The following PIK3C2G variants were observed in gnomAD, a reference collection of about 807,000 sequenced individuals.
The protein encoded by PIK3C2G is phosphatidylinositol-4-phosphate 3-kinase catalytic subunit type 2 gamma.
PIK3C2G carries 168 observed loss-of-function variants against 181.1 expected under a neutral mutation model. That is an observed-to-expected ratio of 0.93 (90% confidence interval 0.82 to 1.05). PIK3C2G has a LOEUF of 1.05. Among genes scored for constraint, PIK3C2G ranks in the 50% least tolerant of loss-of-function variants. The probability of loss-of-function intolerance (pLI) is 0.00; values close to 1 mark genes in which losing one functional copy is unlikely to be tolerated. For missense variants in PIK3C2G, 1,869 were observed against 1,732.8 expected, an observed-to-expected ratio of 1.08 and a Z score of -1.40; for synonymous variants, 573 against 592.2, an observed-to-expected ratio of 0.97 and a Z score of 0.47.
At chr12:18,715,896 T>G in the PIK3C2G span, 1 of 152,318 alleles carries the variant, frequency 6.6e-6, no homozygotes, top group Non-Finnish European at 1.5e-5. Flanking sequence ...TTCAGAGTTT[T>G]CTTAACTAAT....
intron 11 of PIK3C2G, among the ~76,000 whole-genome samples, chr12:18,349,281 G>T (rs1365994156): frequency 6.6e-6 from 1 of 152,098 alleles, no homozygotes; most frequent in Non-Finnish European, 1.5e-5. Context: ...CAGGCCAGAG[G>T]TATCTCCAGA....
At chr12:18,313,838 A>C (rs959208814) in intron 5 of PIK3C2G, 124 bp from the exon 6 acceptor site, 1 of 619,648 alleles carries the variant, frequency 1.6e-6, no homozygotes, top group African/African-American at 1.8e-5. Context: ...ACGCACACAC[A>C]CGCACACACT....
the PIK3C2G span, among the ~76,000 whole-genome samples, chr12:18,707,051 C>A: frequency 2.6e-5 from 4 of 152,194 alleles, no homozygotes; most frequent in Non-Finnish European, 5.9e-5. Flanking sequence ...ACTGCCTCCT[C>A]CTCTGGTGTA....
intron 9 of PIK3C2G, among the ~76,000 whole-genome samples, chr12:18,343,119 G>A (rs1939294574): frequency 6.6e-6 from 1 of 151,898 alleles, no homozygotes; most frequent in Non-Finnish European, 1.5e-5. Flanking sequence ...AACCTACATT[G>A]CTTATTACAA....
intron 31 of PIK3C2G, among the ~76,000 whole-genome samples, chr12:18,621,098 T>C (rs1278957487): frequency 6.6e-6 from 1 of 151,978 alleles, no homozygotes; most frequent in Non-Finnish European, 1.5e-5. Flanking sequence ...CCACTAACAA[T>C]GGATAGTTCA....
intron 26 of PIK3C2G, among the ~76,000 whole-genome samples, chr12:18,557,675 C>T (rs1440738300): frequency 6.6e-6 from 1 of 152,030 alleles, no homozygotes; most frequent in Non-Finnish European, 1.5e-5. Context: ...CCATTATTTG[C>T]AGGTTACATG....
intron 16 of PIK3C2G, among the ~76,000 whole-genome samples, chr12:18,407,013 G>T (rs150598174): frequency 6.6e-5 from 10 of 152,076 alleles, no homozygotes; most frequent in Non-Finnish European, 1.5e-4. Context: ...TTCCTTGAAT[G>T]ACCTTGGACA....
At chr12:18,302,229 C>T (rs891378491) in intron 5 of PIK3C2G, among the ~76,000 whole-genome samples, 4 of 152,008 alleles carry the variant, frequency 2.6e-5, no homozygotes, top group Non-Finnish European at 5.9e-5. Flanking sequence ...AGCAGAGGGC[C>T]GAGTGGATAG....
rs1283385980 is a variant in PIK3C2G, at chr12:18,503,344, T to C, written c.3080T>C (p.Ile1027Thr). Residue 1027 changes from isoleucine to threonine, a missense_variant, in exon 23 of 33, where the codon ATA becomes ACA. By Grantham distance (89) the Ile-to-Thr change is moderately conservative. Transcript: ENST00000538779. ...LAKIHRHSGL[I>T]GPLKENTIKK... ...AAGATTCATCGCCATTCTGGACTGA[T>C]AGGACCATTGAAAGAAAATACAATT... 1 of 1,611,434 alleles carries C rather than the reference T, an allele frequency of 6.2e-7. No individual in the cohort carries two copies. The highest frequency in any genetic ancestry group is 8.5e-7 in the Non-Finnish European group (1 of 1,177,900).
chr12:18,639,808 G>A (rs1949766395), intron 31 of PIK3C2G, among the ~76,000 whole-genome samples: 1 of 152,110 alleles, frequency 6.6e-6, no homozygotes, highest in South Asian at 2.1e-4. Context: ...TTCAGCAACT[G>A]CCTTAGGCAA....
the PIK3C2G span, among the ~76,000 whole-genome samples, chr12:18,696,723 A>G: frequency 6.6e-6 from 1 of 152,102 alleles, no homozygotes; most frequent in Admixed American, 6.6e-5. Context: ...TTCCAGCTAA[A>G]TTAATCCTAC....
At chr12:18,670,365 T>G in the PIK3C2G span, among the ~76,000 whole-genome samples, 1 of 152,098 alleles carries the variant, frequency 6.6e-6, no homozygotes, top group Non-Finnish European at 1.5e-5. Context: ...ACATTTCAAT[T>G]GTCTGTGCCA....
At chr12:18,676,009 T>TA in the PIK3C2G span, among the ~76,000 whole-genome samples, 4 of 122,430 alleles carry the variant, frequency 3.3e-5, no homozygotes, top group East Asian at 5.0e-4. Flanking sequence ...CTGAATCTAT[T>TA]TAAAAAAAAA....
At chr12:18,622,999 CT>C (rs751541581) in intron 31 of PIK3C2G, among the ~76,000 whole-genome samples, 16 of 151,678 alleles carry the variant, frequency 1.1e-4, no homozygotes, top group Non-Finnish European at 1.9e-4. Context: ...TAGGTTGTCT[CT>C]TTGCGTTGTT....
At chr12:18,339,845 A>G (rs943782450) in intron 9 of PIK3C2G, among the ~76,000 whole-genome samples, 2 of 152,162 alleles carry the variant, frequency 1.3e-5, no homozygotes, top group Non-Finnish European at 2.9e-5. Flanking sequence ...ATGGAGGTAT[A>G]CCACAAAAAT....
At chr12:18,696,336 A>G in the PIK3C2G span, 1 of 258,824 alleles carries the variant, frequency 3.9e-6, no homozygotes, top group Non-Finnish European at 6.6e-6. Context: ...ATATATATAT[A>G]TATATATATA....
At chr12:18,434,775 T>A (rs916092546) in intron 18 of PIK3C2G, among the ~76,000 whole-genome samples, 8 of 152,168 alleles carry the variant, frequency 5.3e-5, no homozygotes, top group African/African-American at 1.2e-4. Context: ...GAAGAGGGCA[T>A]GAAAGAAAAG....
the PIK3C2G span, chr12:18,693,606 G>A: frequency 8.3e-6 from 13 of 1,573,420 alleles, no homozygotes; most frequent in Non-Finnish European, 1.0e-5. Flanking sequence ...GCTGAAGAAC[G>A]TGCACCGTCC....
At chr12:18,374,617 A>G (rs1242173828) in intron 13 of PIK3C2G, among the ~76,000 whole-genome samples, 1 of 152,086 alleles carries the variant, frequency 6.6e-6, no homozygotes, top group Non-Finnish European at 1.5e-5. Context: ...GCCATGCCTT[A>G]CTCCATGCAC....
Sources: gnomAD v4.1 joint callset for allele counts (sites outside exome capture counted in the v4.1 genomes callset) on GRCh38, gnomAD v4.1.1 for gene constraint, MANE v1.5 for transcripts, NCBI Gene and HGNC (gene_info 2026-07-23, HGNC 2026-07-21) for gene names.